The following SRD5A1 variants were observed in gnomAD, a reference collection of about 807,000 sequenced individuals.
The protein encoded by SRD5A1 is steroid 5 alpha-reductase 1.
SRD5A1 carries 22 observed loss-of-function variants against 28.2 expected under a neutral mutation model. That is an observed-to-expected ratio of 0.78 (90% CI 0.56 to 1.12). The LOEUF (loss-of-function observed/expected upper bound fraction) is 1.12. SRD5A1 is among the 50% of genes most tolerant of loss of function. The pLI, the probability that SRD5A1 is intolerant of heterozygous loss-of-function variation, is 0.00. For synonymous variants in SRD5A1, 151 were observed against 135.0 expected (o/e 1.12, Z -0.82); for missense variants, 300 against 346.7 (o/e 0.87, Z 1.07).
chr5:6,645,516 G>C (rs1257784682), intron 1 of SRD5A1, among the ~76,000 whole-genome samples: 2 of 152,010 alleles, frequency 1.3e-5, no homozygotes, highest in Admixed American at 6.5e-5. Flanking sequence ...ACACATGCCT[G>C]TAATCCCAGC....
At chr5:6,664,166 G>A (rs1209495630) in intron 4 of SRD5A1, among the ~76,000 whole-genome samples, 1 of 152,114 alleles carries the variant, frequency 6.6e-6, no homozygotes, top group African/African-American at 2.4e-5. Flanking sequence ...ACATCTAATC[G>A]AAATCTCCAA....
chr5:6,667,498 T>C (rs1739220741), intron 4 of SRD5A1, among the ~76,000 whole-genome samples: 1 of 152,220 alleles, frequency 6.6e-6, no homozygotes, highest in African/African-American at 2.4e-5. Flanking sequence ...TTAATCTTTC[T>C]GTGTGTGTTT....
chr5:6,668,016 T>A (rs1739239016), intron 4 of SRD5A1, among the ~76,000 whole-genome samples, 186 bp from the exon 5 acceptor site: 1 of 152,240 alleles, frequency 6.6e-6, no homozygotes, highest in Admixed American at 6.5e-5. Context: ...CACTTTATGA[T>A]TAGATATATT....
intron 1 of SRD5A1, among the ~76,000 whole-genome samples, chr5:6,643,934 CTATTA>C (rs1041711845): frequency 2.0e-5 from 3 of 152,078 alleles, no homozygotes; most frequent in African/African-American, 4.8e-5. Context: ...ATATTATCCT[CTATTA>C]TATTCTTTTG....
chr5:6,643,023 AG>A, intron 1 of SRD5A1, among the ~76,000 whole-genome samples: 1 of 130,266 alleles, frequency 7.7e-6, no homozygotes, highest in Non-Finnish European at 1.6e-5. Context: ...CAAGTTTGTA[AG>A]TTTGTAATTT....
At chr5:6,640,685 T>G (rs1200417354) in intron 1 of SRD5A1, among the ~76,000 whole-genome samples, 1 of 152,078 alleles carries the variant, frequency 6.6e-6, no homozygotes, top group Non-Finnish European at 1.5e-5. Context: ...TGGAAAGAAA[T>G]AAGATAAAAT....
At chr5:6,653,073 C>A (rs1738725706) in intron 2 of SRD5A1, among the ~76,000 whole-genome samples, 1 of 152,102 alleles carries the variant, frequency 6.6e-6, no homozygotes, top group Non-Finnish European at 1.5e-5. Context: ...ATAAAGTGAC[C>A]TTACATTGCA....
rs533538128 is a variant in SRD5A1, at chr5:6,658,762, A to T, written c.562+2583A>T. ...CAAAATTCTTTATTTCTAATCATTT[A>T]AAAAAAAAAACAAACCACAGAAGCA... On this transcript the variant is annotated intron_variant, in intron 3 of 4. Coordinates refer to ENST00000274192, the MANE Select transcript of SRD5A1 (RefSeq NM_001047.4). Among the ~76,000 whole-genome samples the T allele has an allele frequency of 2.3e-3, 335 of 142,790 alleles. 1 individual carries two copies. The highest frequency in any genetic ancestry group is 9.2e-3 in the African/African-American group (329 of 35,800). The allele number at this position is 142,790 out of a possible 152,430, so 93.7% of individuals were successfully genotyped here.
chr5:6,651,747 A>C (rs776373111), intron 1 of SRD5A1, 95 bp from the exon 2 acceptor site: 26 of 1,166,302 alleles, frequency 2.2e-5, no homozygotes, highest in Non-Finnish European at 3.1e-5. Context: ...TTGTACAAGA[A>C]AGTAAGATTT....
At chr5:6,639,669 A>G (rs484973) in intron 1 of SRD5A1, among the ~76,000 whole-genome samples, 26,616 of 152,110 alleles carry the variant, frequency 0.17, 2,565 homozygotes, top group African/African-American at 0.23. Flanking sequence ...ATTTTCTCCA[A>G]GCCTTTTTAG....
rs1002908292 is a variant in SRD5A1 at position 6,662,675 on chromosome 5, G to A, written c.563-141G>A. On this transcript the variant is annotated intron_variant, in intron 3 of 4. Coordinates refer to ENST00000274192, the MANE Select transcript of SRD5A1 (RefSeq NM_001047.4). Reference sequence around the variant, plus strand: ...TAGTAAACCATGTAACGCTGGATATGTCTTACTGATTAACATTCTGTAAGG... The same window carrying A: ...TAGTAAACCATGTAACGCTGGATATATCTTACTGATTAACATTCTGTAAGG... 2.6e-5 allele frequency: 23 copies of A among 892,976 alleles called. 1 individual carries two copies. In the Admixed American group the frequency reaches 2.8e-4, roughly 11 times the overall value. 55.3% of individuals were successfully genotyped at this position (892,976 alleles called of 1,614,324 possible).
intron 1 of SRD5A1, among the ~76,000 whole-genome samples, chr5:6,648,632 C>G (rs549518217): frequency 6.6e-6 from 1 of 152,316 alleles, no homozygotes; most frequent in Admixed American, 6.5e-5. Flanking sequence ...CTGTTCTTCT[C>G]TAAGCAGGTT....
Position 6,662,809 on chromosome 5 carries a change from C to T in SRD5A1, c.563-7C>T. ...AATGCACTACTTTGGTCTGTGTTTT[C>T]TTCTAGGAGGCTTATTTGAATACGT... On this transcript the variant is annotated splice_region_variant and splice_polypyrimidine_tract_variant and intron_variant, in intron 3 of 4. Coordinates refer to ENST00000274192, the MANE Select transcript of SRD5A1 (RefSeq NM_001047.4). 1 of 1,611,870 alleles carries T rather than the reference C, an allele frequency of 6.2e-7. No homozygotes were observed.
At chr5:6,667,455 A>C (rs1014344393) in intron 4 of SRD5A1, among the ~76,000 whole-genome samples, 1 of 152,008 alleles carries the variant, frequency 6.6e-6, no homozygotes, top group African/African-American at 2.4e-5. Context: ...ACAATGAGCT[A>C]ATTGCTTTCT....
intron 2 of SRD5A1, among the ~76,000 whole-genome samples, chr5:6,654,985 C>A (rs1012868944): frequency 2.0e-5 from 3 of 151,940 alleles, no homozygotes; most frequent in African/African-American, 7.3e-5. Context: ...ACTTACAAAA[C>A]GTATTATAAA....
At chr5:6,648,619 C>T (rs929374618) in intron 1 of SRD5A1, among the ~76,000 whole-genome samples, 6 of 152,228 alleles carry the variant, frequency 3.9e-5, no homozygotes, top group African/African-American at 1.4e-4. Flanking sequence ...ATCATGTCTT[C>T]ACCTGTTCTT....
chr5:6,662,352 G>A (rs575224073), intron 3 of SRD5A1, among the ~76,000 whole-genome samples: 1 of 152,374 alleles, frequency 6.6e-6, no homozygotes, highest in East Asian at 1.9e-4. Context: ...TAGATGTGGG[G>A]AGGGTGTCTG....
intron 4 of SRD5A1, among the ~76,000 whole-genome samples, chr5:6,664,681 G>A (rs191931535): frequency 2.0e-5 from 3 of 152,210 alleles, no homozygotes; most frequent in South Asian, 2.1e-4. Flanking sequence ...GCTAGGATTC[G>A]AGGCGTGAGC....
intron 1 of SRD5A1, among the ~76,000 whole-genome samples, chr5:6,637,446 A>G (rs1216012787): frequency 6.6e-6 from 1 of 152,084 alleles, no homozygotes; most frequent in Non-Finnish European, 1.5e-5. Context: ...ACACAGCAAA[A>G]GTCTCCCGGA....
Sources: allele counts gnomAD v4.1 joint callset (sites outside exome capture counted in the v4.1 genomes callset), GRCh38; gene constraint gnomAD v4.1.1; transcripts MANE v1.5; gene names NCBI Gene and HGNC (gene_info 2026-07-23, HGNC 2026-07-21).